IL7: variants seen among roughly 807,000 people sequenced by gnomAD.
The protein encoded by IL7 is interleukin-7.
IL7 carries 3 observed loss-of-function variants against 21.6 expected under a neutral mutation model. The ratio of observed to expected loss-of-function variants is 0.14; its 90% CI spans 0.06 to 0.36. IL7 has a LOEUF of 0.36. Ranked by LOEUF, IL7 falls within the 10% of genes least tolerant of loss-of-function variation. The probability of loss-of-function intolerance (pLI) is 1.00; values close to 1 mark genes in which losing one functional copy is unlikely to be tolerated. For synonymous variants in IL7, 62 were observed against 68.1 expected (o/e 0.91, Z 0.44); for missense variants, 175 against 200.2 (o/e 0.87, Z 0.76).
intron 3 of IL7, among the ~76,000 whole-genome samples, chr8:78,704,385 C>T (rs1458683934): frequency 1.6e-5 from 2 of 122,080 alleles, no homozygotes; most frequent in Non-Finnish European, 3.3e-5. Context: ...GAGACTCCAT[C>T]TCAAAAAAAA....
chr8:78,758,642 T>C (rs1812435816), intron 2 of IL7, among the ~76,000 whole-genome samples: 2 of 152,082 alleles, frequency 1.3e-5, no homozygotes, highest in Non-Finnish European at 2.9e-5. Context: ...TTCATTGGCA[T>C]TTTTCTCTCA....
At chr8:78,708,317 T>C (rs2130590521) in intron 3 of IL7, among the ~76,000 whole-genome samples, 1 of 152,316 alleles carries the variant, frequency 6.6e-6, no homozygotes, top group African/African-American at 2.4e-5. Flanking sequence ...AATAGAATCA[T>C]GCCACAAAGA....
chr8:78,692,779 C>T (rs996558215), intron 3 of IL7, among the ~76,000 whole-genome samples: 19 of 152,010 alleles, frequency 1.2e-4, no homozygotes, highest in African/African-American at 4.1e-4. Flanking sequence ...ATGTACACAA[C>T]GTGCAGGTTT....
chr8:78,712,070 G>A, intron 3 of IL7: 1 of 1,289,552 alleles, frequency 7.8e-7, no homozygotes, highest in South Asian at 1.2e-5. Context: ...AAATCAGACA[G>A]TGCCATCAAA....
At chr8:78,679,593 G>A (rs1809698618) in intron 4 of IL7, among the ~76,000 whole-genome samples, 1 of 152,128 alleles carries the variant, frequency 6.6e-6, no homozygotes, top group Non-Finnish European at 1.5e-5. Context: ...AGGGCCAACT[G>A]TGTATTGCTA....
intron 4 of IL7, among the ~76,000 whole-genome samples, chr8:78,677,759 A>G (rs769303730): frequency 7.9e-5 from 12 of 152,124 alleles, no homozygotes; most frequent in Non-Finnish European, 1.6e-4. Context: ...ACACTAAGAG[A>G]GAGTTTTTGG....
chr8:78,720,482 C>T (rs1332457128), intron 5 of IL7, among the ~76,000 whole-genome samples: 6 of 151,726 alleles, frequency 4.0e-5, no homozygotes, highest in Non-Finnish European at 5.9e-5. Context: ...TTGCTTAGCT[C>T]ATATGTGAAT....
chr8:78,747,188 C>CTTTTTTTTTTT (rs1191243585), intron 2 of IL7: 2 of 233,628 alleles, frequency 8.6e-6, no homozygotes, highest in African/African-American at 7.4e-5. Flanking sequence ...TACTTCATTG[C>CTTTTTTTTTTT]TTTTTTTTTT....
intron 2 of IL7, among the ~76,000 whole-genome samples, chr8:78,794,169 T>G (rs1813782506): frequency 6.6e-6 from 1 of 152,120 alleles, no homozygotes; most frequent in African/African-American, 2.4e-5. Flanking sequence ...GAATCACAAA[T>G]GTTTTTAAGG....
chr8:78,731,308 T>C (rs1221545455), downstream of IL7, among the ~76,000 whole-genome samples: 3 of 152,048 alleles, frequency 2.0e-5, no homozygotes, highest in Non-Finnish European at 4.4e-5. Context: ...TCCTTGCTGT[T>C]ATATTAGCTT....
At chr8:78,728,742 G>T (rs2130646822), downstream of IL7, among the ~76,000 whole-genome samples, 2 of 152,004 alleles carry the variant, frequency 1.3e-5, no homozygotes, top group South Asian at 4.1e-4. Flanking sequence ...TTGGGGGGAG[G>T]AGATCACTGG....
chr8:78,742,751 C>T (rs1044742522), intron 2 of IL7, among the ~76,000 whole-genome samples: 29 of 151,858 alleles, frequency 1.9e-4, no homozygotes, highest in African/African-American at 7.0e-4. Flanking sequence ...TATTTTAAGT[C>T]CAGGGGTACA....
At chr8:78,690,321 A>G (rs962422351) in intron 3 of IL7, among the ~76,000 whole-genome samples, 1 of 152,162 alleles carries the variant, frequency 6.6e-6, no homozygotes, top group Non-Finnish European at 1.5e-5. Context: ...GCACTTTGGG[A>G]GGCCAAGGCG....
At position 78,760,439 on chromosome 8, in the gene IL7, T is replaced by C. The variant is rs1236914533; in HGVS notation, c.148-20357A>G. The C allele has an allele frequency of 1.8e-5, 28 of 1,582,970 alleles. 1 individual carries two copies. In the Admixed American group the frequency reaches 2.4e-4, roughly 13 times the overall value. ...GATGTCAGGCAGTTGGAGGGCTTCA[T>C]AGATGGTGGACGGAAGCTCTATATC... On this transcript the variant is annotated intron_variant, in intron 2 of 5. Coordinates refer to ENST00000263851, the MANE Select transcript of IL7 (RefSeq NM_000880.4).
chr8:78,707,355 C>T (rs567682013), intron 3 of IL7, among the ~76,000 whole-genome samples: 2 of 152,254 alleles, frequency 1.3e-5, no homozygotes, highest in Admixed American at 1.3e-4. Flanking sequence ...GAGGCGCTGA[C>T]CTTGGAGTTA....
intron 2 of IL7, chr8:78,762,442 C>T (rs1211019128): frequency 1.3e-6 from 2 of 1,577,816 alleles, no homozygotes; most frequent in East Asian, 2.4e-5. Context: ...CGTCGCCCGC[C>T]CGCCGGCCGG....
intron 2 of IL7, among the ~76,000 whole-genome samples, chr8:78,786,955 C>T (rs1440272395): frequency 6.6e-6 from 1 of 152,164 alleles, no homozygotes; most frequent in Non-Finnish European, 1.5e-5. Context: ...ATGATTTAAT[C>T]AGTCATGCCT....
At chr8:78,767,772 T>A (rs1200914200) in intron 2 of IL7, among the ~76,000 whole-genome samples, 1 of 152,024 alleles carries the variant, frequency 6.6e-6, no homozygotes, top group Non-Finnish European at 1.5e-5. Context: ...TAATCTTTTT[T>A]ATTTTATTAT....
chr8:78,719,061 A>G (rs952759853), exon 6 of IL7: 18 of 151,742 alleles, frequency 1.2e-4, no homozygotes, highest in African/African-American at 3.9e-4. Flanking sequence ...ATCTTTATTC[A>G]GTCTTATTGG....
Sources: gnomAD v4.1 joint callset for allele counts (sites outside exome capture counted in the v4.1 genomes callset) on GRCh38, gnomAD v4.1.1 for gene constraint, MANE v1.5 for transcripts, NCBI Gene and HGNC (gene_info 2026-07-23, HGNC 2026-07-21) for gene names.